The following MCC variants were observed in gnomAD, a reference collection of about 807,000 sequenced individuals.
MCC encodes the protein MCC regulator of Wnt signaling pathway.
In MCC, 90 loss-of-function variants were observed where a neutral mutation model predicts 116.2. The ratio of observed to expected loss-of-function variants is 0.77; its 90% CI spans 0.65 to 0.92. The LOEUF (loss-of-function observed/expected upper bound fraction) is 0.92. MCC is among the 40% of genes least tolerant of loss of function. MCC has a pLI of 0.00. For synonymous variants in MCC, 578 were observed against 510.5 expected, an observed-to-expected ratio of 1.13 and a Z score of -1.78; for missense variants, 1,516 against 1,312.2, an observed-to-expected ratio of 1.16 and a Z score of -2.40.
chr5:113,024,842 TACAAGA>T lies in MCC; in HGVS notation c.*2454_*2459del, dbSNP rs1750418824. On this transcript the variant is annotated 3_prime_UTR_variant, in exon 19 of 19. Transcript: ENST00000408903. ...TGTGTCTTGGGGAGTATTTGAAAAA[TACAAGA>T]AAAGGAAAAACTTTTATAGCTTTTT... 6.6e-6 allele frequency: 1 copy of T among 152,084 alleles called. No homozygotes were observed. Among genetic ancestry groups the T allele is most frequent in the Non-Finnish European group, 1.5e-5 (1 of 68,014 alleles). The allele number at this position is 152,084 out of a possible 1,614,324, so 9.4% of individuals were successfully genotyped here.
intron 15 of MCC, 143 bp from the exon 16 acceptor site, chr5:113,049,442 TGAGTGG>T (rs1752344849): frequency 1.6e-6 from 1 of 644,722 alleles, no homozygotes; most frequent in Non-Finnish European, 2.7e-6. Context: ...GGCAGTAGGA[TGAGTGG>T]GAGGAGACGT....
chr5:113,054,497 T>C (rs1437455148), intron 14 of MCC, among the ~76,000 whole-genome samples: 2 of 152,268 alleles, frequency 1.3e-5, no homozygotes, highest in Non-Finnish European at 1.5e-5. Flanking sequence ...GATCCACAGA[T>C]GCGTGTCACA....
At chr5:113,378,328 T>G (rs1027308055) in intron 2 of MCC, among the ~76,000 whole-genome samples, 28 of 152,152 alleles carry the variant, frequency 1.8e-4, no homozygotes, top group Non-Finnish European at 3.7e-4. Flanking sequence ...GTACTTTATT[T>G]TTTCCTTAGA....
At chr5:113,380,680 T>C (rs1769095265) in intron 2 of MCC, among the ~76,000 whole-genome samples, 1 of 152,196 alleles carries the variant, frequency 6.6e-6, no homozygotes, top group South Asian at 2.1e-4. Flanking sequence ...GGTACATAAC[T>C]CATGTCAGAT....
chr5:113,261,348 T>G (rs1394015634), intron 3 of MCC, among the ~76,000 whole-genome samples: 3 of 152,212 alleles, frequency 2.0e-5, no homozygotes, highest in Non-Finnish European at 1.5e-5. Context: ...TGTATTTGCT[T>G]TAGCACTATC....
At chr5:113,347,211 A>G (rs4705813) in intron 2 of MCC, among the ~76,000 whole-genome samples, 94,641 of 152,012 alleles carry the variant, frequency 0.62, 32,125 homozygotes, top group African/African-American at 0.9. Flanking sequence ...TGCAATTGTG[A>G]TATGTAAACT....
chr5:113,370,693 TC>T (rs1768817132), intron 2 of MCC, among the ~76,000 whole-genome samples: 2 of 152,202 alleles, frequency 1.3e-5, no homozygotes, highest in African/African-American at 4.8e-5. Context: ...AATTTAGTCA[TC>T]AGCACTGAAA....
chr5:113,079,318 A>T (rs1754681817), intron 11 of MCC, among the ~76,000 whole-genome samples: 1 of 152,270 alleles, frequency 6.6e-6, no homozygotes, highest in Non-Finnish European at 1.5e-5. Context: ...TTTAAAGTTC[A>T]TATGGAACCA....
chr5:113,463,927 T>G (rs1399038386), intron 1 of MCC, among the ~76,000 whole-genome samples: 1 of 151,854 alleles, frequency 6.6e-6, no homozygotes, highest in Non-Finnish European at 1.5e-5. Context: ...GCAAAGGAGA[T>G]AGAAAGGAAT....
Position 113,024,406 on chromosome 5 carries a change from T to G in MCC, c.*2896A>C, listed in dbSNP as rs1433724495. 1 of 152,214 alleles carries G rather than the reference T, an allele frequency of 6.6e-6. No individual in the cohort carries two copies. Among genetic ancestry groups the G allele is most frequent in the Non-Finnish European group, 1.5e-5 (1 of 68,050 alleles). The allele number at this position is 152,214 out of a possible 1,614,324, so 9.4% of individuals were successfully genotyped here. ...TCGCAACTACGGACAGAAGTCTCTT[T>G]TGCTTGTGATTTGCACAGTTGGTTT... On this transcript the variant is annotated 3_prime_UTR_variant, in exon 19 of 19. Coordinates refer to ENST00000408903, the MANE Select transcript of MCC (RefSeq NM_001085377.2).
intron 17 of MCC, among the ~76,000 whole-genome samples, chr5:113,039,555 G>C (rs1256573024): frequency 6.6e-6 from 1 of 152,316 alleles, no homozygotes; most frequent in South Asian, 2.1e-4. Flanking sequence ...TCAGATAAAC[G>C]AGTGGGCTCA....
At chr5:113,091,861 C>A (rs1561801537) in intron 8 of MCC, among the ~76,000 whole-genome samples, 1 of 150,692 alleles carries the variant, frequency 6.6e-6, no homozygotes, top group Non-Finnish European at 1.5e-5. Flanking sequence ...GGACTCCAGC[C>A]TGGGTGATGC....
intron 3 of MCC, among the ~76,000 whole-genome samples, chr5:113,176,835 T>C (rs1761359538): frequency 6.6e-6 from 1 of 152,076 alleles, no homozygotes; most frequent in Non-Finnish European, 1.5e-5. Context: ...CTGGAAACCA[T>C]CCACTCCTCC....
chr5:113,333,793 A>G (rs372065713), intron 3 of MCC, among the ~76,000 whole-genome samples: 17 of 54,808 alleles, frequency 3.1e-4, no homozygotes, highest in East Asian at 2.6e-3. Context: ...ATATATTTAT[A>G]TATATATGTA....
At chr5:113,433,568 G>A (rs1024608297) in intron 1 of MCC, 5 of 863,432 alleles carry the variant, frequency 5.8e-6, no homozygotes, top group African/African-American at 1.7e-5. Flanking sequence ...TCCACCTAGG[G>A]GCCACGGGAG....
chr5:113,124,427 C>A (rs1382449281), intron 5 of MCC, among the ~76,000 whole-genome samples: 1 of 152,148 alleles, frequency 6.6e-6, no homozygotes, highest in Non-Finnish European at 1.5e-5. Flanking sequence ...GCATGGCCAA[C>A]GTAATCAGCT....
intron 6 of MCC, among the ~76,000 whole-genome samples, chr5:113,113,206 T>C (rs1757200532): frequency 2.0e-5 from 3 of 152,186 alleles, no homozygotes; most frequent in Admixed American, 6.5e-5. Context: ...ACACAGACTT[T>C]CTGTAAAGGC....
chr5:113,316,729 T>C (rs895752563), intron 3 of MCC, among the ~76,000 whole-genome samples: 2 of 152,194 alleles, frequency 1.3e-5, no homozygotes, highest in East Asian at 1.9e-4. Context: ...ATGCTAGCTT[T>C]GTATCAAAGA....
At chr5:113,101,526 G>C (rs945783064) in intron 8 of MCC, 3 of 569,832 alleles carry the variant, frequency 5.3e-6, no homozygotes. Context: ...TAAGATTCCA[G>C]AGAAAAGTGT....
Sources: allele counts gnomAD v4.1 joint callset (sites outside exome capture counted in the v4.1 genomes callset), GRCh38; gene constraint gnomAD v4.1.1; transcripts MANE v1.5; gene names NCBI Gene and HGNC (gene_info 2026-07-23, HGNC 2026-07-21).